The following MAGI1 variants were observed in gnomAD, a reference collection of about 807,000 sequenced individuals.
MAGI1 encodes membrane-associated guanylate kinase, WW and PDZ domain-containing protein 1.
A neutral mutation model predicts 139.9 loss-of-function variants in MAGI1; 58 were observed. That is an observed-to-expected ratio of 0.41 (90% CI 0.34 to 0.52). The LOEUF is 0.52. MAGI1 is among the 20% of genes least tolerant of loss of function. The pLI is 0.12. For synonymous variants in MAGI1, 812 were observed against 737.9 expected (o/e 1.10, Z -1.63); for missense variants, 1,874 against 1,901.6 (o/e 0.99, Z 0.27).
chr3:65,557,450 G>C (rs904168436), intron 2 of MAGI1, among the ~76,000 whole-genome samples: 2 of 152,144 alleles, frequency 1.3e-5, no homozygotes, highest in African/African-American at 4.8e-5. Flanking sequence ...GTATCCTCAT[G>C]AGAGTTCTTG....
At chr3:65,636,975 G>A (rs2084663792) in intron 1 of MAGI1, among the ~76,000 whole-genome samples, 1 of 152,350 alleles carries the variant, frequency 6.6e-6, no homozygotes, top group Non-Finnish European at 1.5e-5. Context: ...GCTTTGCCTA[G>A]TGTTTCTCAA....
At chr3:65,497,280 A>T (rs1952525442) in intron 2 of MAGI1, among the ~76,000 whole-genome samples, 1 of 152,232 alleles carries the variant, frequency 6.6e-6, no homozygotes, top group Non-Finnish European at 1.5e-5. Flanking sequence ...GAACACTAAG[A>T]ACTTTTAACT....
chr3:65,845,079 C>T (rs113283863), intron 1 of MAGI1, among the ~76,000 whole-genome samples: 3 of 151,880 alleles, frequency 2.0e-5, no homozygotes, highest in Non-Finnish European at 4.4e-5. Context: ...GGTGAAACCC[C>T]GTCTCTATTA....
intron 2 of MAGI1, among the ~76,000 whole-genome samples, chr3:65,591,788 G>C (rs951193861): frequency 6.6e-6 from 1 of 152,152 alleles, no homozygotes; most frequent in Admixed American, 6.5e-5. Context: ...TTCTGCCACA[G>C]GGCCTTTGCA....
At chr3:65,974,395 A>ATGGG (rs1207727834) in intron 1 of MAGI1, among the ~76,000 whole-genome samples, 6 of 133,946 alleles carry the variant, frequency 4.5e-5, no homozygotes, top group South Asian at 5.2e-4. Flanking sequence ...GGCTGGGTGG[A>ATGGG]TGGGTGGATG....
intron 1 of MAGI1, among the ~76,000 whole-genome samples, chr3:65,782,766 C>A (rs1384669610): frequency 6.6e-6 from 1 of 151,768 alleles, no homozygotes; most frequent in Non-Finnish European, 1.5e-5. Context: ...ATCTACTGAG[C>A]TTTTAATATG....
intron 1 of MAGI1, among the ~76,000 whole-genome samples, chr3:65,742,330 G>T (rs2035343784): frequency 6.6e-6 from 1 of 152,140 alleles, no homozygotes; most frequent in South Asian, 2.1e-4. Context: ...TTGAGACAAT[G>T]AATGCATCTT....
intron 22 of MAGI1, chr3:65,360,167 C>T: frequency 1.0e-6 from 1 of 985,274 alleles, no homozygotes; most frequent in South Asian, 4.7e-5. Context: ...AATTAAACAT[C>T]TCATCAAGTC....
At chr3:65,971,938 A>G (rs2065031145) in intron 1 of MAGI1, among the ~76,000 whole-genome samples, 1 of 152,236 alleles carries the variant, frequency 6.6e-6, no homozygotes, top group Non-Finnish European at 1.5e-5. Flanking sequence ...GTCGTACCTC[A>G]GCAAGAAGGA....
chr3:65,911,149 C>T (rs1282123657), intron 1 of MAGI1, among the ~76,000 whole-genome samples: 1 of 151,520 alleles, frequency 6.6e-6, no homozygotes, highest in East Asian at 2.0e-4. Context: ...TGAGCCACAG[C>T]GCCTGGCCTG....
chr3:65,545,974 T>TCACACA (rs926687949), intron 2 of MAGI1, among the ~76,000 whole-genome samples: 25 of 146,024 alleles, frequency 1.7e-4, no homozygotes, highest in African/African-American at 6.2e-4. Flanking sequence ...GGGTATGATC[T>TCACACA]CACACACACA....
At chr3:65,472,586 C>T (rs1232267642) in intron 4 of MAGI1, among the ~76,000 whole-genome samples, 1 of 152,172 alleles carries the variant, frequency 6.6e-6, no homozygotes, top group Non-Finnish European at 1.5e-5. Flanking sequence ...TGTCATTTTC[C>T]AGAATCACCA....
chr3:65,386,978 T>C (rs1317139516), intron 14 of MAGI1, among the ~76,000 whole-genome samples: 2 of 152,226 alleles, frequency 1.3e-5, no homozygotes, highest in Non-Finnish European at 2.9e-5. Flanking sequence ...TATTCCATCT[T>C]GTCTTTGGTT....
At position 65,812,699 on chromosome 3, in the gene MAGI1, CTTTTTTTTTTT is replaced by C. The variant is rs539502538; in HGVS notation, c.314-190622_314-190612del. ...AAACTGACTGGTTAAAGTTAGTTTACTTTTTTTTTTTTTTTTTTTTTTTTTTTTGAGACAGA... is the reference window on the plus strand; with the variant it reads ...AAACTGACTGGTTAAAGTTAGTTTACTTTTTTTTTTTTTTTTTGAGACAGA... On this transcript the variant is annotated intron_variant, in intron 1 of 22. Transcript: ENST00000402939. 3.9e-3 allele frequency among the ~76,000 whole-genome samples: 282 copies of C among 72,916 alleles called. 2 individuals are homozygous for C. Among genetic ancestry groups the C allele is most frequent in the African/African-American group, 0.016 (267 of 17,152 alleles). 47.8% of individuals were successfully genotyped at this position (72,916 alleles called of 152,430 possible). A position where few individuals can be genotyped will look rare whatever the true frequency, so the allele number is the denominator to read the frequency against.
chr3:65,606,333 T>A (rs182861234), intron 2 of MAGI1, among the ~76,000 whole-genome samples: 1 of 152,202 alleles, frequency 6.6e-6, no homozygotes, highest in East Asian at 1.9e-4. Flanking sequence ...TTTATTTTTT[T>A]ATTTTGTTTA....
intron 1 of MAGI1, among the ~76,000 whole-genome samples, chr3:65,855,872 C>T (rs951768223): frequency 1.3e-5 from 2 of 151,514 alleles, no homozygotes; most frequent in African/African-American, 4.9e-5. Context: ...TCATTCTTTC[C>T]CTCACTTACG....
rs559634584 is a variant in MAGI1 at position 65,354,883 on chromosome 3, CTTTTT to C, written c.*1490_*1494del. The C allele has an allele frequency of 3.5e-5, 5 of 142,390 alleles. No individual in the cohort carries two copies. Among genetic ancestry groups the C allele is most frequent in the Admixed American group, 1.4e-4 (2 of 14,236 alleles). The allele number at this position is 142,390 out of a possible 1,614,324, so 8.8% of individuals were successfully genotyped here. On this transcript the variant is annotated 3_prime_UTR_variant, in exon 23 of 23. Transcript: ENST00000402939. ...GTACACGCAATGATTGGCTGGTTTT[CTTTTT>C]TTTTTTCTTTTTCCTTTTTTTTTTT...
chr3:65,758,451 C>T (rs1187417672), intron 1 of MAGI1, among the ~76,000 whole-genome samples: 1 of 152,182 alleles, frequency 6.6e-6, no homozygotes, highest in Non-Finnish European at 1.5e-5. Flanking sequence ...CCTCAGTGAG[C>T]CAGATTTTGC....
chr3:65,363,176 T>C (rs943710630), intron 21 of MAGI1, among the ~76,000 whole-genome samples: 16 of 152,186 alleles, frequency 1.1e-4, no homozygotes, highest in African/African-American at 2.2e-4. Flanking sequence ...ACAAAAACTA[T>C]AGAAATGGGC....
Sources: gnomAD v4.1 joint callset for allele counts (sites outside exome capture counted in the v4.1 genomes callset) on GRCh38, gnomAD v4.1.1 for gene constraint, MANE v1.5 for transcripts, NCBI Gene and HGNC (gene_info 2026-07-23, HGNC 2026-07-21) for gene names.